The following SPTLC2 variants were observed in gnomAD, a reference collection of about 807,000 sequenced individuals.
The protein encoded by SPTLC2 is serine palmitoyltransferase 2.
Under a neutral mutation model 62.0 loss-of-function variants are expected in SPTLC2, and 21 were observed. The ratio of observed to expected loss-of-function variants is 0.34; its 90% CI spans 0.24 to 0.49. SPTLC2 has a LOEUF of 0.49. SPTLC2 is among the 20% of genes least tolerant of loss of function. The probability of loss-of-function intolerance (pLI) is 0.99; values close to 1 mark genes in which losing one functional copy is unlikely to be tolerated. For synonymous variants in SPTLC2, 261 were observed against 261.8 expected, an observed-to-expected ratio of 1.00 and a Z score of 0.03; for missense variants, 511 against 713.0, an observed-to-expected ratio of 0.72 and a Z score of 3.23.
chr14:77,570,986 G>C (rs1172353905), intron 4 of SPTLC2, among the ~76,000 whole-genome samples: 1 of 152,164 alleles, frequency 6.6e-6, no homozygotes, highest in Admixed American at 6.5e-5. Flanking sequence ...AAGAGAAACA[G>C]AGATGCCCAG....
chr14:77,536,061 C>A, intron 9 of SPTLC2: 1 of 414,770 alleles, frequency 2.4e-6, no homozygotes, highest in Non-Finnish European at 4.7e-6. Flanking sequence ...AGCAAAAAGG[C>A]TAAAAACTGT....
At chr14:77,545,798 C>T (rs1238108487) in intron 9 of SPTLC2, among the ~76,000 whole-genome samples, 1 of 152,132 alleles carries the variant, frequency 6.6e-6, no homozygotes, top group Non-Finnish European at 1.5e-5. Flanking sequence ...TAATTGCTAG[C>T]TTCAAACTAA....
chr14:77,539,007 GGATGATGAT>G (rs927731522), intron 9 of SPTLC2, among the ~76,000 whole-genome samples: 3 of 151,466 alleles, frequency 2.0e-5, no homozygotes, highest in Non-Finnish European at 2.9e-5. Context: ...ATGGCAATGG[GGATGATGAT>G]GATGATGATA....
Position 77,598,122 on chromosome 14 carries a change from C to CAA in SPTLC2, c.133-744_133-743dup, listed in dbSNP as rs11410783. On this transcript the variant is annotated intron_variant, in intron 1 of 11. Transcript: ENST00000216484. ...GGGAAATAAGAGCGAAACCCCATCT[C>CAA]AAAAAAAAAAAAAAAAAGAATTTTG... Among the ~76,000 whole-genome samples the CAA allele has an allele frequency of 3.7e-3, 428 of 116,758 alleles. 8 individuals carry two copies. The highest frequency in any genetic ancestry group is 0.019 in the South Asian group (73 of 3,808). 76.6% of individuals were successfully genotyped at this position (116,758 alleles called of 152,430 possible). A position where few individuals can be genotyped will look rare whatever the true frequency, so the allele number is the denominator to read the frequency against.
Position 77,511,736 on chromosome 14 carries a change from A to G in SPTLC2, c.*548T>C, listed in dbSNP as rs913613096. ...AGTCATCGCTTACTGTTTTTCTTAAAAGGCTAAACTTAAGATTAAAGGGTG... is the reference window on the plus strand; with the variant it reads ...AGTCATCGCTTACTGTTTTTCTTAAGAGGCTAAACTTAAGATTAAAGGGTG... On this transcript the variant is annotated 3_prime_UTR_variant, in exon 12 of 12. Transcript: ENST00000216484. The G allele has an allele frequency of 5.8e-6, 1 of 172,248 alleles. No homozygotes were observed. The highest frequency in any genetic ancestry group is 1.3e-5 in the Non-Finnish European group (1 of 78,986). The allele number at this position is 172,248 out of a possible 1,614,324, so 10.7% of individuals were successfully genotyped here. A position where few individuals can be genotyped will look rare whatever the true frequency, so the allele number is the denominator to read the frequency against.
chr14:77,588,640 G>A (rs1416463776), intron 2 of SPTLC2, among the ~76,000 whole-genome samples: 5 of 151,672 alleles, frequency 3.3e-5, no homozygotes, highest in Non-Finnish European at 7.4e-5. Flanking sequence ...AGGTTGCAGC[G>A]AGCTGAGATT....
chr14:77,610,990 T>TGC lies in SPTLC2; in HGVS notation c.132+5457_132+5458insGC, dbSNP rs1555379138. The stretch of plus-strand genomic sequence containing the variant: ...TGGGGAACATAGTAAGACCCATCTC[T>TGC]ACAAAAAAAAAAAAAAAAAAAGGCC... On this transcript the variant is annotated intron_variant, in intron 1 of 11. Transcript: ENST00000216484. Among the ~76,000 whole-genome samples the TGC allele has an allele frequency of 2.0e-4, 3 of 14,932 alleles. No homozygotes were observed. In the East Asian group the frequency reaches 0.01, roughly 51 times the overall value. 9.8% of individuals were successfully genotyped at this position (14,932 alleles called of 152,430 possible).
intron 7 of SPTLC2, among the ~76,000 whole-genome samples, chr14:77,555,926 T>C (rs74447960): frequency 2.0e-5 from 3 of 152,132 alleles, no homozygotes; most frequent in African/African-American, 7.2e-5. Context: ...GCTGAGTTTA[T>C]TGGGTTTTAA....
rs150115546 is a variant in SPTLC2 at position 77,534,723 on chromosome 14, G to C, written c.1304-13142C>G. Among the ~76,000 whole-genome samples the C allele has an allele frequency of 3.7e-3, 570 of 152,112 alleles. 5 individuals carry two copies. The highest frequency in any genetic ancestry group is 0.017 in the Admixed American group (258 of 15,254). ...AAAGGGGAGAACATATTGTGCACTA[G>C]GGAAGCAGATGTCATTAAAAAAACA... On this transcript the variant is annotated intron_variant, in intron 9 of 11. Transcript: ENST00000216484.
chr14:77,611,543 C>T (rs989310704), intron 1 of SPTLC2, among the ~76,000 whole-genome samples: 15 of 151,710 alleles, frequency 9.9e-5, no homozygotes, highest in Admixed American at 6.6e-4. Flanking sequence ...AACAAACCTC[C>T]GGCTAGGCGT....
chr14:77,571,665 C>T (rs1381687329), intron 4 of SPTLC2, among the ~76,000 whole-genome samples: 1 of 152,164 alleles, frequency 6.6e-6, no homozygotes, highest in Non-Finnish European at 1.5e-5. Context: ...GCCATGTGTC[C>T]TTAAGGCTTG....
intron 1 of SPTLC2, among the ~76,000 whole-genome samples, chr14:77,602,548 CTTTT>C (rs60014262): frequency 8.0e-5 from 11 of 137,512 alleles, no homozygotes; most frequent in African/African-American, 2.6e-4. Flanking sequence ...AGGTTTGTTT[CTTTT>C]TTTTTTTTTT....
At chr14:77,553,246 A>G (rs2079564755) in intron 8 of SPTLC2, among the ~76,000 whole-genome samples, 1 of 152,216 alleles carries the variant, frequency 6.6e-6, no homozygotes, top group South Asian at 2.1e-4. Context: ...AAATGTGGCT[A>G]TGAAACAGTT....
intron 1 of SPTLC2, among the ~76,000 whole-genome samples, chr14:77,616,147 C>G (rs902189478): frequency 6.6e-6 from 1 of 152,210 alleles, no homozygotes; most frequent in African/African-American, 2.4e-5. Flanking sequence ...TCATCGCTTC[C>G]CCTGGGGACA....
At chr14:77,567,832 A>G (rs376512480) in intron 5 of SPTLC2, among the ~76,000 whole-genome samples, 16 of 85,568 alleles carry the variant, frequency 1.9e-4, no homozygotes, top group Admixed American at 1.1e-3. Flanking sequence ...TACAAGCTTT[A>G]CTTTTTTTTT....
chr14:77,512,101 G>T lies in SPTLC2; in HGVS notation c.*183C>A. On this transcript the variant is annotated 3_prime_UTR_variant, in exon 12 of 12. Transcript: ENST00000216484. ...TAAAGGTGAGATTTAGCAAAGGAAGGATTAGAAGCAGTTTTTTACTATTTA... is the reference window on the plus strand; with the variant it reads ...TAAAGGTGAGATTTAGCAAAGGAAGTATTAGAAGCAGTTTTTTACTATTTA... 1.4e-6 allele frequency: 1 copy of T among 740,274 alleles called. No individual in the cohort carries two copies. The highest frequency in any genetic ancestry group is 2.2e-6 in the Non-Finnish European group (1 of 455,412). The allele number at this position is 740,274 out of a possible 1,614,324, so 45.9% of individuals were successfully genotyped here.
At chr14:77,564,403 A>G (rs2079633045) in intron 5 of SPTLC2, among the ~76,000 whole-genome samples, 1 of 3,482 alleles carries the variant, frequency 2.9e-4, no homozygotes, top group Admixed American at 7.1e-3. Context: ...GCATGCATAC[A>G]CACACACACA....
chr14:77,610,647 T>C (rs2079930346), intron 1 of SPTLC2, among the ~76,000 whole-genome samples: 2 of 152,198 alleles, frequency 1.3e-5, no homozygotes, highest in African/African-American at 2.4e-5. Context: ...CAACCGCATA[T>C]TTCACTGTAC....
intron 5 of SPTLC2, among the ~76,000 whole-genome samples, chr14:77,568,168 A>C (rs116289415): frequency 0.014 from 2,122 of 152,284 alleles, 66 homozygotes; most frequent in African/African-American, 0.048. Flanking sequence ...ATTTCCATTT[A>C]GTTCAAAATA....
Sources: allele counts gnomAD v4.1 joint callset (sites outside exome capture counted in the v4.1 genomes callset), GRCh38; gene constraint gnomAD v4.1.1; transcripts MANE v1.5; gene names NCBI Gene and HGNC (gene_info 2026-07-23, HGNC 2026-07-21).